The following RAB3GAP2 variants were observed in gnomAD, a reference collection of about 807,000 sequenced individuals.
RAB3GAP2 encodes the protein RAB3 GTPase activating non-catalytic protein subunit 2.
Under a neutral mutation model 185.3 loss-of-function variants are expected in RAB3GAP2, and 87 were observed. That is an observed-to-expected ratio of 0.47 (90% CI 0.39 to 0.56). The LOEUF is 0.56. Ranked by LOEUF, RAB3GAP2 falls within the 20% of genes least tolerant of loss-of-function variation. RAB3GAP2 has a pLI of 0.00. For missense variants in RAB3GAP2, 1,492 were observed against 1,638.2 expected (o/e 0.91, Z 1.54); for synonymous variants, 554 against 576.1 (o/e 0.96, Z 0.55).
intron 19 of RAB3GAP2, among the ~76,000 whole-genome samples, chr1:220,183,250 A>ATT (rs200955039): frequency 7.1e-4 from 100 of 140,402 alleles, no homozygotes; most frequent in African/African-American, 2.4e-3. Context: ...GAATGTTAGC[A>ATT]TTTTTTTTTT....
At chr1:220,161,019 T>G (rs558134011) in intron 28 of RAB3GAP2, among the ~76,000 whole-genome samples, 1 of 152,338 alleles carries the variant, frequency 6.6e-6, no homozygotes, top group South Asian at 2.1e-4. Flanking sequence ...CAAAAGTGAT[T>G]GTGGATGTGA....
chr1:220,224,383 A>G (rs1041609375), intron 2 of RAB3GAP2, among the ~76,000 whole-genome samples: 1 of 152,180 alleles, frequency 6.6e-6, no homozygotes, highest in African/African-American at 2.4e-5. Context: ...GAAAAGAAAA[A>G]GGGCAAAGGA....
chr1:220,242,133 C>T (rs1049887242), intron 1 of RAB3GAP2, among the ~76,000 whole-genome samples: 4 of 152,052 alleles, frequency 2.6e-5, no homozygotes, highest in Non-Finnish European at 4.4e-5. Flanking sequence ...AAAGTACACA[C>T]AGAGAAAGTC....
chr1:220,270,533 C>G (rs1277519521), intron 1 of RAB3GAP2, among the ~76,000 whole-genome samples: 1 of 152,182 alleles, frequency 6.6e-6, no homozygotes, highest in African/African-American at 2.4e-5. Context: ...AACCACAAGC[C>G]AAAGACTTCC....
chr1:220,193,970 C>T (rs990205993), intron 12 of RAB3GAP2, among the ~76,000 whole-genome samples: 4 of 152,048 alleles, frequency 2.6e-5, no homozygotes, highest in African/African-American at 4.8e-5. Context: ...TTTGTTACAT[C>T]TATTAGAGAC....
At position 220,148,342 on chromosome 1, in the gene RAB3GAP2, T is replaced by C. The variant is rs1467945309; in HGVS notation, c.*2909A>G. On this transcript the variant is annotated 3_prime_UTR_variant, in exon 35 of 35. Coordinates refer to ENST00000358951, the MANE Select transcript of RAB3GAP2 (RefSeq NM_012414.4). Reference sequence around the variant, plus strand: ...AATATACATAAGAAGTTCACAACAATGAACAGACAGAAAATAGCAGTATAT... The same window carrying C: ...AATATACATAAGAAGTTCACAACAACGAACAGACAGAAAATAGCAGTATAT... 2.0e-5 allele frequency: 3 copies of C among 152,474 alleles called. No homozygotes were observed. Among genetic ancestry groups the C allele is most frequent in the Admixed American group, 6.5e-5 (1 of 15,290 alleles). The allele number at this position is 152,474 out of a possible 1,614,324, so 9.4% of individuals were successfully genotyped here. A position where few individuals can be genotyped will look rare whatever the true frequency, so the allele number is the denominator to read the frequency against.
At position 220,151,681 on chromosome 1, in the gene RAB3GAP2, G is replaced by A; in HGVS notation, c.3951C>T (p.Leu1317=). ...CCATTCCTTCTTTTGTCTGGGTGTG[G>A]AGAAGCGCATGAGCCAGCCTTTGCC... ...LTGQRLAHAL[L]HTQTKEGMEL... Residue 1317 remains leucine, a synonymous_variant, in exon 34 of 35, where the codon CTC becomes CTT. Transcript: ENST00000358951. 6.2e-7 allele frequency: 1 copy of A among 1,611,404 alleles called. No homozygotes were observed.
chr1:220,184,938 G>A (rs745502509), intron 18 of RAB3GAP2, among the ~76,000 whole-genome samples: 1 of 151,940 alleles, frequency 6.6e-6, no homozygotes, highest in Non-Finnish European at 1.5e-5. Context: ...AAATTAGCAT[G>A]TTTGAAGTCC....
At chr1:220,173,611 G>A (rs903627946) in intron 21 of RAB3GAP2, among the ~76,000 whole-genome samples, 1 of 152,228 alleles carries the variant, frequency 6.6e-6, no homozygotes, top group African/African-American at 2.4e-5. Flanking sequence ...GCTGTGATAA[G>A]TACGTGACAT....
intron 1 of RAB3GAP2, among the ~76,000 whole-genome samples, chr1:220,244,545 A>G (rs1293459616): frequency 6.6e-6 from 1 of 152,190 alleles, no homozygotes; most frequent in Non-Finnish European, 1.5e-5. Flanking sequence ...TCACAGAACT[A>G]GAAAAAAAAT....
intron 2 of RAB3GAP2, among the ~76,000 whole-genome samples, chr1:220,221,049 T>C (rs775734838): frequency 2.6e-5 from 4 of 152,160 alleles, no homozygotes; most frequent in Admixed American, 6.5e-5. Context: ...TAGCTGGCAG[T>C]TTTCAGTTAT....
At chr1:220,179,507 T>C (rs1311133152) in intron 21 of RAB3GAP2, among the ~76,000 whole-genome samples, 1 of 152,152 alleles carries the variant, frequency 6.6e-6, no homozygotes, top group Non-Finnish European at 1.5e-5. Flanking sequence ...TTAAACTACA[T>C]ACTAGACCAT....
rs1448274621 is a variant in RAB3GAP2, at chr1:220,150,878, A to G, written c.*373T>C. ...GGGGACTGTACATGAACACATTTAAATTGAATTACAACAACATTTTAGATA... is the reference window on the plus strand; with the variant it reads ...GGGGACTGTACATGAACACATTTAAGTTGAATTACAACAACATTTTAGATA... On this transcript the variant is annotated 3_prime_UTR_variant, in exon 35 of 35. Transcript: ENST00000358951. 8.0e-6 allele frequency: 2 copies of G among 250,840 alleles called. No homozygotes were observed. 15.5% of individuals were successfully genotyped at this position (250,840 alleles called of 1,614,324 possible).
At chr1:220,192,475 TAGTC>T (rs1658641932) in intron 13 of RAB3GAP2, among the ~76,000 whole-genome samples, 1 of 152,238 alleles carries the variant, frequency 6.6e-6, no homozygotes. Context: ...CCTTCTTTCT[TAGTC>T]AGGGAGATAT....
chr1:220,213,502 G>C (rs1659122012), intron 3 of RAB3GAP2, among the ~76,000 whole-genome samples: 1 of 151,780 alleles, frequency 6.6e-6, no homozygotes, highest in African/African-American at 2.4e-5. Context: ...TTTCAAATTA[G>C]AGTTGAAAAT....
chr1:220,164,621 A>C, intron 27 of RAB3GAP2, 112 bp downstream of exon 27: 1 of 1,448,156 alleles, frequency 6.9e-7, no homozygotes, highest in East Asian at 2.5e-5. Flanking sequence ...GTTAGGCTGC[A>C]GGATAATCAA....
At chr1:220,183,116 T>C (rs921444786) in intron 19 of RAB3GAP2, among the ~76,000 whole-genome samples, 185 bp from the exon 20 acceptor site, 3 of 152,192 alleles carry the variant, frequency 2.0e-5, no homozygotes, top group African/African-American at 4.8e-5. Context: ...TAAAGTAAAC[T>C]ATAATTTTGA....
intron 9 of RAB3GAP2, among the ~76,000 whole-genome samples, chr1:220,199,929 C>A (rs1658810435): frequency 6.6e-6 from 1 of 152,152 alleles, no homozygotes; most frequent in Non-Finnish European, 1.5e-5. Flanking sequence ...CTTTCTTCTA[C>A]AAGCATCTCT....
intron 1 of RAB3GAP2, among the ~76,000 whole-genome samples, chr1:220,271,473 G>C (rs1660331764): frequency 6.6e-6 from 1 of 152,198 alleles, no homozygotes; most frequent in South Asian, 2.1e-4. Flanking sequence ...ACTACTTGGG[G>C]AAAGGCTTAT....
Sources: gnomAD v4.1 joint callset for allele counts (sites outside exome capture counted in the v4.1 genomes callset) on GRCh38, gnomAD v4.1.1 for gene constraint, MANE v1.5 for transcripts, NCBI Gene and HGNC (gene_info 2026-07-23, HGNC 2026-07-21) for gene names.